Variants in TMTC2 observed in about 807,000 individuals in gnomAD.
TMTC2 encodes transmembrane O-mannosyltransferase targeting cadherins 2, also known as protein O-mannosyl-transferase TMTC2.
A neutral mutation model predicts 82.4 loss-of-function variants in TMTC2; 43 were observed. The ratio of observed to expected loss-of-function variants is 0.52; its 90% confidence interval spans 0.41 to 0.67. The LOEUF is 0.67. TMTC2 is among the 30% of genes least tolerant of loss of function. TMTC2 has a pLI of 0.00. For synonymous variants in TMTC2, 408 were observed against 381.9 expected (o/e 1.07, Z -0.80); for missense variants, 919 against 1,012.4 (o/e 0.91, Z 1.25).
intron 8 of TMTC2, among the ~76,000 whole-genome samples, chr12:82,990,030 C>A (rs1459089441): frequency 2.0e-5 from 3 of 152,058 alleles, no homozygotes; most frequent in Non-Finnish European, 4.4e-5. Context: ...GGTTTCTTGG[C>A]CTGGTAACAG....
chr12:82,989,990 A>T (rs1410855768), intron 8 of TMTC2, among the ~76,000 whole-genome samples: 1 of 152,180 alleles, frequency 6.6e-6, no homozygotes, highest in Non-Finnish European at 1.5e-5. Context: ...CAAATTTCTG[A>T]TCCCTATGGA....
chr12:82,731,973 T>G (rs1874834313), intron 1 of TMTC2, among the ~76,000 whole-genome samples: 1 of 152,222 alleles, frequency 6.6e-6, no homozygotes, highest in African/African-American at 2.4e-5. Flanking sequence ...TTCCCTGGCT[T>G]TGCTCATTTT....
intron 7 of TMTC2, among the ~76,000 whole-genome samples, chr12:82,976,980 T>C (rs1878703232): frequency 6.6e-6 from 1 of 152,056 alleles, no homozygotes; most frequent in Non-Finnish European, 1.5e-5. Flanking sequence ...CAAAGCTTTC[T>C]GGACTTAGGT....
At chr12:82,721,678 A>C (rs1874213466) in intron 1 of TMTC2, among the ~76,000 whole-genome samples, 1 of 152,208 alleles carries the variant, frequency 6.6e-6, no homozygotes, top group Non-Finnish European at 1.5e-5. Context: ...TTTTGATGAG[A>C]GAAGGCAAAA....
chr12:82,703,851 G>A (rs1038974440), intron 1 of TMTC2, among the ~76,000 whole-genome samples: 3 of 152,132 alleles, frequency 2.0e-5, no homozygotes, highest in African/African-American at 7.2e-5. Flanking sequence ...AAGCTTTTGA[G>A]GTGACATCAA....
At chr12:83,129,293 C>T (rs1179461837) in intron 11 of TMTC2, among the ~76,000 whole-genome samples, 1 of 151,992 alleles carries the variant, frequency 6.6e-6, no homozygotes, top group African/African-American at 2.4e-5. Context: ...TTGCTGGGAG[C>T]GGTTATCCCA....
At chr12:82,868,653 A>G (rs927014457) in intron 2 of TMTC2, among the ~76,000 whole-genome samples, 3 of 149,770 alleles carry the variant, frequency 2.0e-5, no homozygotes. Flanking sequence ...TATTGTAGGG[A>G]GCAGTAGTTC....
At chr12:82,741,971 A>G (rs1042304534) in intron 1 of TMTC2, among the ~76,000 whole-genome samples, 2 of 152,124 alleles carry the variant, frequency 1.3e-5, no homozygotes, top group African/African-American at 4.8e-5. Flanking sequence ...ATCTGGACAC[A>G]TCTCTTGTTT....
chr12:82,973,102 G>A (rs1878518561), intron 7 of TMTC2, among the ~76,000 whole-genome samples: 1 of 152,144 alleles, frequency 6.6e-6, no homozygotes, highest in Non-Finnish European at 1.5e-5. Flanking sequence ...TCTTTCAAGT[G>A]TGGAAGCATT....
At chr12:82,889,546 T>A (rs1873288832) in intron 2 of TMTC2, among the ~76,000 whole-genome samples, 1 of 152,152 alleles carries the variant, frequency 6.6e-6, no homozygotes, top group Non-Finnish European at 1.5e-5. Context: ...TCATGTTTGG[T>A]ATAAATACTT....
chr12:83,015,518 A>G (rs963363), intron 8 of TMTC2, among the ~76,000 whole-genome samples: 121,735 of 152,086 alleles, frequency 0.8, 49,352 homozygotes, highest in South Asian at 0.93. Context: ...CACATCACAC[A>G]TTTTTTCCTT....
intron 9 of TMTC2, 83 bp from the exon 10 acceptor site, chr12:83,050,821 C>T (rs1053765823): frequency 1.5e-5 from 12 of 811,954 alleles, no homozygotes; most frequent in African/African-American, 5.2e-5. Flanking sequence ...ACCTTTACCA[C>T]TGTACTTATT....
At chr12:83,126,373 C>G (rs545184932) in intron 11 of TMTC2, among the ~76,000 whole-genome samples, 1 of 152,016 alleles carries the variant, frequency 6.6e-6, no homozygotes, top group East Asian at 1.9e-4. Flanking sequence ...ATTTGTTAGG[C>G]AAGTATACAA....
At chr12:82,713,026 A>C (rs1873705801) in intron 1 of TMTC2, among the ~76,000 whole-genome samples, 1 of 152,116 alleles carries the variant, frequency 6.6e-6, no homozygotes, top group Non-Finnish European at 1.5e-5. Context: ...ATGAGTAAGA[A>C]AGAGTTTAGG....
At chr12:82,977,502 G>A (rs1373073668) in intron 7 of TMTC2, among the ~76,000 whole-genome samples, 2 of 151,760 alleles carry the variant, frequency 1.3e-5, no homozygotes, top group Non-Finnish European at 3.0e-5. Context: ...AAGGAAATTT[G>A]TATAATAGTT....
At chr12:83,053,612 A>G (rs1264214577) in intron 10 of TMTC2, among the ~76,000 whole-genome samples, 1 of 152,110 alleles carries the variant, frequency 6.6e-6, no homozygotes, top group African/African-American at 2.4e-5. Flanking sequence ...GAGGCCAGCC[A>G]TCAAGGGGCA....
intron 2 of TMTC2, among the ~76,000 whole-genome samples, chr12:82,863,688 A>G (rs1871667202): frequency 6.6e-6 from 1 of 152,168 alleles, no homozygotes; most frequent in Admixed American, 6.6e-5. Flanking sequence ...AAGCATCTAT[A>G]ATGCCTGCAT....
At chr12:82,831,670 T>TTGG (rs1005854012) in intron 1 of TMTC2, among the ~76,000 whole-genome samples, 22 of 152,092 alleles carry the variant, frequency 1.4e-4, no homozygotes, top group Middle Eastern at 3.4e-3. Flanking sequence ...AATCAGATTA[T>TTGG]TGGTGGTGGT....
intron 8 of TMTC2, among the ~76,000 whole-genome samples, chr12:83,028,750 G>T (rs1039138465): frequency 2.0e-5 from 3 of 152,110 alleles, no homozygotes; most frequent in East Asian, 3.9e-4. Flanking sequence ...CATACATTAG[G>T]CTGCCTGATT....
Sources: gnomAD v4.1 joint callset for allele counts (sites outside exome capture counted in the v4.1 genomes callset) on GRCh38, gnomAD v4.1.1 for gene constraint, MANE v1.5 for transcripts, NCBI Gene and HGNC (gene_info 2026-07-23, HGNC 2026-07-21) for gene names.